MMP26: variants seen among roughly 807,000 people sequenced by gnomAD.
The protein encoded by MMP26 is matrix metallopeptidase 26.
A neutral mutation model predicts 31.0 loss-of-function variants in MMP26; 33 were observed. The observed-to-expected ratio is 1.06, with a 90% CI of 0.81 to 1.42. The LOEUF (loss-of-function observed/expected upper bound fraction) is 1.42, where lower values mean the gene tolerates loss of function less well. Ranked by LOEUF, MMP26 falls within the 40% of genes most tolerant of loss-of-function variation. MMP26 has a pLI of 0.00. For synonymous variants in MMP26, 122 were observed against 114.9 expected (o/e 1.06, Z -0.40); for missense variants, 347 against 316.1 (o/e 1.10, Z -0.74).
chr11:4,871,359 G>A (rs1850307872), intron 2 of MMP26, among the ~76,000 whole-genome samples: 1 of 151,968 alleles, frequency 6.6e-6, no homozygotes, highest in Non-Finnish European at 1.5e-5. Context: ...GTGAAACAAG[G>A]GTAAATTTTT....
At chr11:4,795,912 CTT>C (rs1254426601) in intron 2 of MMP26, among the ~76,000 whole-genome samples, 1 of 151,770 alleles carries the variant, frequency 6.6e-6, no homozygotes, top group Non-Finnish European at 1.5e-5. Flanking sequence ...GTTTTCATTT[CTT>C]TATAGCATCC....
In MMP26 at chr11:4,821,604, G is replaced by A. The variant is rs764307984; in HGVS notation, c.-145+54263G>A. ...GTGAACGGAGCCTCCATAAGCCTAT[G>A]TACTATTTCCTCTCTATGCTTTCAG... is the stretch of plus-strand genomic sequence containing the variant. On this transcript the variant is annotated intron_variant, in intron 2 of 7. Coordinates refer to ENST00000380390, the MANE Select transcript of MMP26 (RefSeq NM_021801.5). The A allele has an allele frequency of 3.2e-5, 51 of 1,613,680 alleles. No individual in the cohort carries two copies. In the Middle Eastern group the frequency reaches 4.9e-4, roughly 16 times the overall value.
At chr11:4,887,688 G>T (rs1442762394) in intron 2 of MMP26, among the ~76,000 whole-genome samples, 1 of 151,974 alleles carries the variant, frequency 6.6e-6, no homozygotes, top group African/African-American at 2.4e-5. Context: ...TTGTTGTTTT[G>T]GTTTGTTTTT....
chr11:4,805,306 G>T (rs1281994404), intron 2 of MMP26, among the ~76,000 whole-genome samples: 1 of 152,204 alleles, frequency 6.6e-6, no homozygotes, highest in African/African-American at 2.4e-5. Flanking sequence ...TATCTTTAGT[G>T]TAGGTTTCTC....
rs188188936 is a variant in MMP26 at position 4,709,543 on chromosome 11, C to T, written c.-217+4498C>T. Reference sequence around the variant, plus strand: ...TATTACAGGACATAGTTCTTTTCCTCAAAGACATCTGCTTCTTCGCTCATC... The same window carrying T: ...TATTACAGGACATAGTTCTTTTCCTTAAAGACATCTGCTTCTTCGCTCATC... On this transcript the variant is annotated intron_variant, in intron 1 of 7. Coordinates refer to ENST00000380390, the MANE Select transcript of MMP26 (RefSeq NM_021801.5). The T allele has an allele frequency of 9.7e-6, 4 of 412,646 alleles. No homozygotes were observed. The Admixed American group carries it at 1.1e-4, about 11-fold the overall frequency. The allele number at this position is 412,646 out of a possible 1,614,324, so 25.6% of individuals were successfully genotyped here. A position where few individuals can be genotyped will look rare whatever the true frequency, so the allele number is the denominator to read the frequency against.
At chr11:4,820,781 C>T (rs1589910942) in intron 2 of MMP26, among the ~76,000 whole-genome samples, 1 of 152,138 alleles carries the variant, frequency 6.6e-6, no homozygotes, top group Non-Finnish European at 1.5e-5. Flanking sequence ...CTGCAAAATT[C>T]GTGTACGATC....
chr11:4,882,575 A>T (rs765435624), intron 2 of MMP26: 1 of 1,613,844 alleles, frequency 6.2e-7, no homozygotes, highest in Non-Finnish European at 8.5e-7. Flanking sequence ...GATCCTCCGT[A>T]CTGTTCTGGG....
At chr11:4,807,212 A>C (rs1849282886) in intron 2 of MMP26, among the ~76,000 whole-genome samples, 2 of 152,106 alleles carry the variant, frequency 1.3e-5, no homozygotes, top group Admixed American at 1.3e-4. Flanking sequence ...CGCTGGGTCA[A>C]ATGGTATTTC....
At chr11:4,730,505 T>A (rs1031889633) in intron 1 of MMP26, among the ~76,000 whole-genome samples, 3 of 152,070 alleles carry the variant, frequency 2.0e-5, no homozygotes, top group Non-Finnish European at 4.4e-5. Context: ...GCTGCTTTGT[T>A]AGATCAGATT....
chr11:4,726,771 C>T (rs1410246298), intron 1 of MMP26, among the ~76,000 whole-genome samples: 1 of 152,092 alleles, frequency 6.6e-6, no homozygotes, highest in East Asian at 1.9e-4. Flanking sequence ...CTTTGGGAGG[C>T]CAAGGTGGGA....
At chr11:4,821,778 C>G (rs1402455835) in intron 2 of MMP26, 17 of 1,613,380 alleles carry the variant, frequency 1.1e-5, no homozygotes, top group Non-Finnish European at 1.4e-5. Context: ...TTCTACTGGC[C>G]ATGGCCTTTG....
intron 2 of MMP26, among the ~76,000 whole-genome samples, chr11:4,776,753 G>A (rs947693671): frequency 2.0e-5 from 3 of 151,994 alleles, no homozygotes; most frequent in Non-Finnish European, 2.9e-5. Context: ...CTGCTCCACC[G>A]TGGTAAGACA....
At chr11:4,791,354 T>A (rs1849023882) in intron 2 of MMP26, among the ~76,000 whole-genome samples, 1 of 152,042 alleles carries the variant, frequency 6.6e-6, no homozygotes, top group Admixed American at 6.6e-5. Flanking sequence ...CGGAGACCAA[T>A]TTTTTTTCCT....
At chr11:4,767,882 C>T (rs1484984474) in intron 2 of MMP26, among the ~76,000 whole-genome samples, 2 of 152,122 alleles carry the variant, frequency 1.3e-5, no homozygotes, top group Non-Finnish European at 2.9e-5. Context: ...TTTTATTCTG[C>T]CATTATATGC....
At chr11:4,790,839 G>A (rs1849016153) in intron 2 of MMP26, among the ~76,000 whole-genome samples, 1 of 152,142 alleles carries the variant, frequency 6.6e-6, no homozygotes, top group Non-Finnish European at 1.5e-5. Context: ...TTATTATGAT[G>A]TTCATAGCTT....
intron 1 of MMP26, among the ~76,000 whole-genome samples, chr11:4,715,009 C>A (rs573422194): frequency 2.7e-5 from 4 of 150,658 alleles, no homozygotes; most frequent in Non-Finnish European, 5.9e-5. Flanking sequence ...CTTCCAGAAG[C>A]CACATATATA....
chr11:4,739,873 G>C (rs1041838734), intron 1 of MMP26, among the ~76,000 whole-genome samples: 1 of 152,136 alleles, frequency 6.6e-6, no homozygotes, highest in Non-Finnish European at 1.5e-5. Flanking sequence ...TTAATAGTAA[G>C]AAGGGTTGAC....
chr11:4,808,882 A>T (rs893416170), intron 2 of MMP26, among the ~76,000 whole-genome samples: 2 of 146,968 alleles, frequency 1.4e-5, no homozygotes, highest in African/African-American at 5.1e-5. Context: ...CTGCTGACCT[A>T]CGGAATCTAG....
intron 2 of MMP26, chr11:4,849,271 C>A: frequency 1.3e-6 from 2 of 1,525,956 alleles, no homozygotes; most frequent in Non-Finnish European, 1.8e-6. Context: ...TACTTAATCG[C>A]GTGCCAAATT....
Sources: allele counts gnomAD v4.1 joint callset (sites outside exome capture counted in the v4.1 genomes callset), GRCh38; gene constraint gnomAD v4.1.1; transcripts MANE v1.5; gene names NCBI Gene and HGNC (gene_info 2026-07-23, HGNC 2026-07-21).